CBLB: variants seen among roughly 807,000 people sequenced by gnomAD.
CBLB encodes the protein E3 ubiquitin-protein ligase CBL-B.
Under a neutral mutation model 104.9 loss-of-function variants are expected in CBLB, and 31 were observed. That is an observed-to-expected ratio of 0.30 (90% confidence interval 0.22 to 0.40). The LOEUF is 0.40. Ranked by LOEUF, CBLB falls within the 10% of genes least tolerant of loss-of-function variation. The pLI is 1.00. For synonymous variants in CBLB, 440 were observed against 422.6 expected (o/e 1.04, Z -0.51); for missense variants, 1,062 against 1,214.6 (o/e 0.87, Z 1.87).
chr3:105,818,670 T>C (rs2085397561), intron 3 of CBLB, among the ~76,000 whole-genome samples: 1 of 152,110 alleles, frequency 6.6e-6, no homozygotes, highest in Admixed American at 6.5e-5. Context: ...GCAAATGCTG[T>C]TTACGTAACT....
chr3:105,782,870 G>A (rs549309032), intron 3 of CBLB, among the ~76,000 whole-genome samples: 1 of 152,200 alleles, frequency 6.6e-6, no homozygotes, highest in South Asian at 2.1e-4. Context: ...ACTGAGCCCG[G>A]CCTGTGGTAT....
chr3:105,706,450 G>A (rs1329104632), intron 10 of CBLB, among the ~76,000 whole-genome samples: 1 of 152,130 alleles, frequency 6.6e-6, no homozygotes, highest in Non-Finnish European at 1.5e-5. Context: ...TACAGCCAGT[G>A]ATTCTTAACA....
intron 9 of CBLB, among the ~76,000 whole-genome samples, chr3:105,725,236 G>A (rs768030112): frequency 2.0e-5 from 3 of 152,096 alleles, no homozygotes; most frequent in Non-Finnish European, 4.4e-5. Context: ...CTGAGGACAC[G>A]TTTTTACATA....
In CBLB at chr3:105,658,820, T is replaced by C. The variant is rs2063511034; in HGVS notation, c.*150A>G. 1 of 774,576 alleles carries C rather than the reference T, an allele frequency of 1.3e-6. No homozygotes were observed. Among genetic ancestry groups the C allele is most frequent in the Admixed American group, 2.4e-5 (1 of 41,844 alleles). The allele number at this position is 774,576 out of a possible 1,614,324, so 48.0% of individuals were successfully genotyped here. A position where few individuals can be genotyped will look rare whatever the true frequency, so the allele number is the denominator to read the frequency against. On this transcript the variant is annotated 3_prime_UTR_variant, in exon 19 of 19. Transcript: ENST00000394030. ...TCGACATCCTGAGCAAGCATCGGTC[T>C]CCTTTGAGAAGCTGCACTCCCAAGC... is the stretch of plus-strand genomic sequence containing the variant.
At chr3:105,737,444 A>G (rs2075071588) in intron 7 of CBLB, among the ~76,000 whole-genome samples, 186 bp from the exon 8 acceptor site, 1 of 152,150 alleles carries the variant, frequency 6.6e-6, no homozygotes, top group Non-Finnish European at 1.5e-5. Context: ...TAAAATGTAG[A>G]ATTTTCATAT....
At chr3:105,678,738 G>A (rs1425725525) in intron 16 of CBLB, among the ~76,000 whole-genome samples, 167 bp from the exon 17 acceptor site, 1 of 152,150 alleles carries the variant, frequency 6.6e-6, no homozygotes, top group East Asian at 1.9e-4. Context: ...ATTATTTTGT[G>A]GGAGAGTCTG....
intron 4 of CBLB, among the ~76,000 whole-genome samples, chr3:105,765,106 C>G (rs1425099561): frequency 1.3e-5 from 2 of 152,152 alleles, no homozygotes; most frequent in Non-Finnish European, 2.9e-5. Flanking sequence ...TACAGAAGAT[C>G]TAGCTAAGAT....
chr3:105,769,494 A>G (rs1208673356), intron 4 of CBLB, among the ~76,000 whole-genome samples: 2 of 152,160 alleles, frequency 1.3e-5, no homozygotes, highest in Non-Finnish European at 2.9e-5. Flanking sequence ...GACAGATGTG[A>G]GCTCAGGTAC....
rs370496009 is a variant in CBLB, at chr3:105,818,144, A to C, written c.419+35270T>G. 9.2e-5 allele frequency among the ~76,000 whole-genome samples: 14 copies of C among 152,288 alleles called. No homozygotes were observed. The South Asian group carries it at 2.9e-3, about 32-fold the overall frequency. On this transcript the variant is annotated intron_variant, in intron 3 of 18. Transcript: ENST00000394030. ...AATTAATGAAAACTTATCCCAAAGA[A>C]ACTTCTCAGAATGATTATTCCAAAG... is the stretch of plus-strand genomic sequence containing the variant.
intron 4 of CBLB, among the ~76,000 whole-genome samples, chr3:105,775,002 G>T (rs1480393181): frequency 1.3e-5 from 2 of 152,080 alleles, no homozygotes; most frequent in African/African-American, 4.8e-5. Flanking sequence ...CCTGAACCTG[G>T]CAAGATTGTT....
chr3:105,802,190 C>T (rs769316), intron 3 of CBLB, among the ~76,000 whole-genome samples: 31,957 of 152,162 alleles, frequency 0.21, 3,826 homozygotes, highest in Middle Eastern at 0.29. Context: ...CATTACTCGG[C>T]CCCTGCCCCT....
intron 2 of CBLB, among the ~76,000 whole-genome samples, chr3:105,857,597 G>A (rs1227654679): frequency 6.6e-6 from 1 of 152,070 alleles, no homozygotes; most frequent in Non-Finnish European, 1.5e-5. Flanking sequence ...TGAATCTCGG[G>A]CTGATCTTTC....
rs367555881 is a variant in CBLB, at chr3:105,658,629, AAAACT to A, written c.*336_*340del. The A allele has an allele frequency of 5.0e-4, 198 of 396,126 alleles. No homozygotes were observed. Among genetic ancestry groups the A allele is most frequent in the East Asian group, 5.0e-3 (121 of 24,260 alleles). 24.5% of individuals were successfully genotyped at this position (396,126 alleles called of 1,614,324 possible). A position where few individuals can be genotyped will look rare whatever the true frequency, so the allele number is the denominator to read the frequency against. ...AGTACAGGTATCAAAACACCAAAAC[AAAACT>A]AAACTAAAAACAAGAACAAACTGCA... On this transcript the variant is annotated 3_prime_UTR_variant, in exon 19 of 19. Coordinates refer to ENST00000394030, the MANE Select transcript of CBLB (RefSeq NM_170662.5).
At chr3:105,782,578 C>CTTTT (rs11333516) in intron 3 of CBLB, among the ~76,000 whole-genome samples, 14 of 137,496 alleles carry the variant, frequency 1.0e-4, no homozygotes, top group African/African-American at 3.6e-4. Context: ...CTTTTCTTTT[C>CTTTT]TTTTTTTTTT....
chr3:105,812,230 T>C (rs922919709), intron 3 of CBLB, among the ~76,000 whole-genome samples: 1 of 152,192 alleles, frequency 6.6e-6, no homozygotes, highest in African/African-American at 2.4e-5. Flanking sequence ...CTGCAAATGT[T>C]TGCAAAGATA....
rs530226380 is a variant in CBLB at position 105,752,363 on chromosome 3, A to G, written c.567-745T>C. Among the ~76,000 whole-genome samples, 40 of 152,220 alleles carry G rather than the reference A, an allele frequency of 2.6e-4. No individual in the cohort carries two copies. In the South Asian group the frequency reaches 8.3e-3, roughly 32 times the overall value. On this transcript the variant is annotated intron_variant, in intron 4 of 18. Coordinates refer to ENST00000394030, the MANE Select transcript of CBLB (RefSeq NM_170662.5). ...ACGTCTCTCAACCTATCCCCACCTG[A>G]CCAGTTTCCAACTCACCTACCCTCT...
At position 105,868,882 on chromosome 3, in the gene CBLB, G is replaced by T; in HGVS notation, c.-161C>A. The T allele has an allele frequency of 3.0e-6, 3 of 1,016,064 alleles. No individual in the cohort carries two copies. In the South Asian group the frequency reaches 1.1e-4, roughly 39 times the overall value. The allele number at this position is 1,016,064 out of a possible 1,614,324, so 62.9% of individuals were successfully genotyped here. A position where few individuals can be genotyped will look rare whatever the true frequency, so the allele number is the denominator to read the frequency against. ...GAAGAAGGAGCAACCCAGCGCGCAGGCCTCCGAGACGTGGAAACGCAACAA... is the reference window on the plus strand; with the variant it reads ...GAAGAAGGAGCAACCCAGCGCGCAGTCCTCCGAGACGTGGAAACGCAACAA... On this transcript the variant is annotated 5_prime_UTR_variant, in exon 1 of 19. Coordinates refer to ENST00000394030, the MANE Select transcript of CBLB (RefSeq NM_170662.5).
intron 3 of CBLB, among the ~76,000 whole-genome samples, chr3:105,816,123 A>G (rs2153047643): frequency 1.3e-5 from 2 of 152,248 alleles, no homozygotes; most frequent in Middle Eastern, 6.8e-3. Flanking sequence ...TGATGGGTGC[A>G]GTTAACCATC....
intron 10 of CBLB, among the ~76,000 whole-genome samples, chr3:105,714,949 A>C (rs1463359475): frequency 6.6e-6 from 1 of 152,234 alleles, no homozygotes; most frequent in Non-Finnish European, 1.5e-5. Flanking sequence ...TATTTTAAGA[A>C]AATACAATGT....
Sources: gnomAD v4.1 joint callset for allele counts (sites outside exome capture counted in the v4.1 genomes callset) on GRCh38, gnomAD v4.1.1 for gene constraint, MANE v1.5 for transcripts, NCBI Gene and HGNC (gene_info 2026-07-23, HGNC 2026-07-21) for gene names.